Variants in ANO1 observed in about 807,000 individuals in gnomAD.
The protein encoded by ANO1 is anoctamin-1.
A neutral mutation model predicts 124.0 loss-of-function variants in ANO1; 59 were observed. The ratio of observed to expected loss-of-function variants is 0.48; its 90% CI spans 0.39 to 0.59. The LOEUF (loss-of-function observed/expected upper bound fraction) is 0.59. ANO1 is among the 20% of genes least tolerant of loss of function. The pLI, the probability that ANO1 is intolerant of heterozygous loss-of-function variation, is 0.00. For synonymous variants in ANO1, 529 were observed against 532.0 expected, an observed-to-expected ratio of 0.99 and a Z score of 0.08; for missense variants, 1,059 against 1,328.0, an observed-to-expected ratio of 0.80 and a Z score of 3.15.
At chr11:70,157,390 C>T (rs1282126576) in intron 16 of ANO1, among the ~76,000 whole-genome samples, 1 of 134,392 alleles carries the variant, frequency 7.4e-6, no homozygotes, top group Admixed American at 7.6e-5. Flanking sequence ...AAAAAGGATG[C>T]GATTGGTGTC....
In ANO1 at chr11:70,030,931, G is replaced by A. The variant is rs79776484; in HGVS notation, c.58+44765G>A. ...ATGCATTCACGAGGTTCAATGTGAT[G>A]TGGTGGTTTCGTTTTGTTTTGTTTC... On this transcript the variant is annotated intron_variant, in intron 1 of 27. Coordinates refer to the ANO1 transcript ENST00000531349. Among the ~76,000 whole-genome samples the A allele has an allele frequency of 9.8e-3, 1,497 of 152,264 alleles. 25 individuals are homozygous for A. The highest frequency in any genetic ancestry group is 0.034 in the African/African-American group (1,429 of 41,550).
chr11:70,107,024 A>G (rs1032782662), intron 5 of ANO1, among the ~76,000 whole-genome samples: 2 of 152,186 alleles, frequency 1.3e-5, no homozygotes, highest in Non-Finnish European at 2.9e-5. Context: ...GTGGGAGGGT[A>G]AATGACTGGT....
At chr11:70,034,128 C>T (rs538515746) in intron 1 of ANO1, among the ~76,000 whole-genome samples, 5 of 152,276 alleles carry the variant, frequency 3.3e-5, no homozygotes, top group South Asian at 2.1e-4. Context: ...CCACCCATTA[C>T]GTAGCAGGTC....
intron 8 of ANO1, among the ~76,000 whole-genome samples, chr11:70,124,027 C>G (rs780119093): frequency 6.6e-6 from 1 of 152,168 alleles, no homozygotes; most frequent in Non-Finnish European, 1.5e-5. Context: ...TTTCTCTGCT[C>G]AAAACCCTGG....
chr11:70,148,342 G>A (rs1237090366), intron 11 of ANO1, among the ~76,000 whole-genome samples: 1 of 152,036 alleles, frequency 6.6e-6, no homozygotes, highest in Non-Finnish European at 1.5e-5. Flanking sequence ...AAATCACACT[G>A]ATACTTCCTC....
chr11:70,035,216 G>T (rs1205368867), intron 1 of ANO1, among the ~76,000 whole-genome samples: 1 of 152,274 alleles, frequency 6.6e-6, no homozygotes, highest in Admixed American at 6.5e-5. Context: ...ACCAGGGCTA[G>T]TGTCAGGTCC....
intron 1 of ANO1, among the ~76,000 whole-genome samples, chr11:70,051,596 G>C (rs1857350381): frequency 6.6e-6 from 1 of 152,196 alleles, no homozygotes; most frequent in Admixed American, 6.5e-5. Flanking sequence ...AGCCATTCTG[G>C]TGTGTGTGTT....
At chr11:70,006,022 G>T (rs368528839) in intron 1 of ANO1, among the ~76,000 whole-genome samples, 2 of 152,304 alleles carry the variant, frequency 1.3e-5, no homozygotes, top group East Asian at 1.9e-4. Context: ...CTCTGGGGTG[G>T]CAGGTGTAAC....
chr11:70,133,772 G>A (rs1234052602), intron 11 of ANO1, among the ~76,000 whole-genome samples: 1 of 152,248 alleles, frequency 6.6e-6, no homozygotes, highest in Non-Finnish European at 1.5e-5. Context: ...GGGACTCAGG[G>A]TTTGGCTGAG....
At chr11:69,977,100 C>A in the ANO1 span, among the ~76,000 whole-genome samples, 1 of 152,186 alleles carries the variant, frequency 6.6e-6, no homozygotes, top group Non-Finnish European at 1.5e-5. Flanking sequence ...AGCAGGGAGG[C>A]GGCCAACCAG....
At chr11:70,060,381 T>A (rs372413238) in intron 1 of ANO1, among the ~76,000 whole-genome samples, 3 of 152,202 alleles carry the variant, frequency 2.0e-5, no homozygotes, top group African/African-American at 7.2e-5. Flanking sequence ...CTGCCATCGA[T>A]AAACCAAGTG....
At chr11:69,969,310 A>G in the ANO1 span, among the ~76,000 whole-genome samples, 1 of 152,056 alleles carries the variant, frequency 6.6e-6, no homozygotes, top group Non-Finnish European at 1.5e-5. Context: ...GTGGTAGGAG[A>G]ACTACATGAT....
intron 1 of ANO1, among the ~76,000 whole-genome samples, chr11:70,011,337 G>T (rs188574581): frequency 6.6e-6 from 1 of 152,262 alleles, no homozygotes; most frequent in East Asian, 1.9e-4. Context: ...GTGCCTGTCA[G>T]CCAGGTGAGT....
intron 1 of ANO1, among the ~76,000 whole-genome samples, chr11:70,006,561 TCTTTTCTTTCTTTCTTTCTTA>T (rs1856487928): frequency 8.9e-6 from 1 of 112,610 alleles, no homozygotes; most frequent in Non-Finnish European, 2.0e-5. Flanking sequence ...TTTCTTTCTT[TCTTTTCTTTCTTTCTTTCTTA>T]CTTACTTTCT....
chr11:70,125,650 C>T (rs2046476541), intron 9 of ANO1, among the ~76,000 whole-genome samples: 1 of 151,546 alleles, frequency 6.6e-6, no homozygotes, highest in South Asian at 2.1e-4. Context: ...TGAGACCATC[C>T]TGGCTAACAC....
At chr11:70,133,037 G>A (rs1287825522) in intron 11 of ANO1, among the ~76,000 whole-genome samples, 2 of 152,182 alleles carry the variant, frequency 1.3e-5, no homozygotes, top group Non-Finnish European at 2.9e-5. Flanking sequence ...GAGACCAGGT[G>A]TAGAGACAGA....
At chr11:70,152,209 G>A (rs1319899475) in intron 12 of ANO1, among the ~76,000 whole-genome samples, 3 of 151,838 alleles carry the variant, frequency 2.0e-5, no homozygotes, top group African/African-American at 4.8e-5. Flanking sequence ...GGTGGCGGGC[G>A]CCTGTATCCC....
upstream of ANO1, among the ~76,000 whole-genome samples, chr11:70,077,613 T>C (rs1266376891): frequency 1.3e-5 from 2 of 152,176 alleles, no homozygotes; most frequent in East Asian, 3.9e-4. Flanking sequence ...AGGACAGCCT[T>C]GCCCAGCAGT....
chr11:70,074,227 TTCCC>T (rs1166443664), upstream of ANO1, among the ~76,000 whole-genome samples: 4 of 152,060 alleles, frequency 2.6e-5, no homozygotes, highest in Non-Finnish European at 5.9e-5. Flanking sequence ...CCATGCTCCT[TTCCC>T]TCCCCTGGGC....
Sources: gnomAD v4.1 joint callset for allele counts (sites outside exome capture counted in the v4.1 genomes callset) on GRCh38, gnomAD v4.1.1 for gene constraint, MANE v1.5 for transcripts, NCBI Gene and HGNC (gene_info 2026-07-23, HGNC 2026-07-21) for gene names.